The following SAMD3 variants were observed in gnomAD, a reference collection of about 807,000 sequenced individuals.
SAMD3 encodes sterile alpha motif domain containing 3.
In SAMD3, 63 loss-of-function variants were observed where a neutral mutation model predicts 58.5. The ratio of observed to expected loss-of-function variants is 1.08; its 90% CI spans 0.88 to 1.33. SAMD3 has a LOEUF of 1.33. SAMD3 is among the 40% of genes most tolerant of loss of function. SAMD3 has a pLI of 0.00. For missense variants in SAMD3, 604 were observed against 608.4 expected (o/e 0.99, Z 0.08); for synonymous variants, 220 against 210.3 (o/e 1.05, Z -0.40).
At chr6:130,296,948 C>T (rs967454497) in intron 2 of SAMD3, among the ~76,000 whole-genome samples, 1 of 152,178 alleles carries the variant, frequency 6.6e-6, no homozygotes, top group African/African-American at 2.4e-5. Context: ...CTTCCCCTGA[C>T]ACTTCAGTGC....
rs574162149 is a variant in SAMD3, at chr6:130,185,721, C to G, written c.384-1098G>C. 2.0e-5 allele frequency among the ~76,000 whole-genome samples: 3 copies of G among 151,618 alleles called. No individual in the cohort carries two copies. The South Asian group carries it at 6.3e-4, about 32-fold the overall frequency. On this transcript the variant is annotated intron_variant, in intron 5 of 11. Transcript: ENST00000439090. The stretch of plus-strand genomic sequence containing the variant: ...TCACAGCTCACTGCAGCCTTGACCT[C>G]CTGGTCTCAAGCAATCTTCCCACTT...
chr6:130,326,637 A>G (rs923910106), intron 1 of SAMD3, among the ~76,000 whole-genome samples: 68 of 152,232 alleles, frequency 4.5e-4, no homozygotes, highest in African/African-American at 1.5e-3. Flanking sequence ...GCAGTCCATA[A>G]ATATTTGTAC....
At chr6:130,174,571 T>A (rs1034183612) in intron 8 of SAMD3, among the ~76,000 whole-genome samples, 1 of 152,224 alleles carries the variant, frequency 6.6e-6, no homozygotes, top group Admixed American at 6.5e-5. Flanking sequence ...TGCATTGGTC[T>A]CTTTGGGAGC....
chr6:130,228,286 C>T (rs1433741836), intron 2 of SAMD3, among the ~76,000 whole-genome samples: 2 of 152,226 alleles, frequency 1.3e-5, no homozygotes, highest in East Asian at 3.8e-4. Context: ...GCAGCTAGAG[C>T]TCCTTCCAGG....
intron 2 of SAMD3, among the ~76,000 whole-genome samples, chr6:130,281,169 C>A (rs1239835286): frequency 6.6e-6 from 1 of 152,168 alleles, no homozygotes; most frequent in Admixed American, 6.5e-5. Flanking sequence ...CTGTCCTCCC[C>A]TATTTTGGAT....
intron 8 of SAMD3, among the ~76,000 whole-genome samples, chr6:130,159,098 T>C (rs1242409401): frequency 6.6e-6 from 1 of 152,166 alleles, no homozygotes; most frequent in Non-Finnish European, 1.5e-5. Flanking sequence ...CCAAATCTCA[T>C]CTTGTAGCTC....
At chr6:130,196,291 A>G (rs1794102818) in intron 5 of SAMD3, among the ~76,000 whole-genome samples, 1 of 152,080 alleles carries the variant, frequency 6.6e-6, no homozygotes, top group Non-Finnish European at 1.5e-5. Context: ...TACCTGATTC[A>G]TATACTTTCT....
At chr6:130,310,950 G>C (rs999509647) in intron 2 of SAMD3, among the ~76,000 whole-genome samples, 1 of 152,028 alleles carries the variant, frequency 6.6e-6, no homozygotes, top group Non-Finnish European at 1.5e-5. Flanking sequence ...ATTCTTTTTC[G>C]GGGGATTAAG....
downstream of SAMD3, chr6:130,142,994 C>A (rs1275248073): frequency 6.6e-6 from 1 of 152,114 alleles, no homozygotes; most frequent in Non-Finnish European, 1.5e-5. Flanking sequence ...ATGACTTGTG[C>A]CAAATTGTTA....
At chr6:130,342,513 T>C (rs1187274819) in intron 1 of SAMD3, among the ~76,000 whole-genome samples, 1 of 152,196 alleles carries the variant, frequency 6.6e-6, no homozygotes, top group Non-Finnish European at 1.5e-5. Context: ...TAAAACTCAC[T>C]TTAGAGACTC....
Position 130,247,524 on chromosome 6 carries a change from T to G in SAMD3, c.-187-24711A>C, listed in dbSNP as rs983788097. Among the ~76,000 whole-genome samples, 6 of 151,486 alleles carry G rather than the reference T, an allele frequency of 4.0e-5. No individual in the cohort carries two copies. The South Asian group carries it at 1.2e-3, about 32-fold the overall frequency. ...GACTAAGATGGGACAATCTAACCAT[T>G]AATATGAATAATATTTGTAAAGGAT... On this transcript the variant is annotated intron_variant, in intron 2 of 13. Coordinates refer to the SAMD3 transcript ENST00000368134.
intron 7 of SAMD3, among the ~76,000 whole-genome samples, chr6:130,180,964 T>TTTTTTTTTTTTA (rs1792269394): frequency 2.0e-5 from 3 of 147,158 alleles, no homozygotes; most frequent in African/African-American, 5.0e-5. Context: ...TTTTTTCTTT[T>TTTTTTTTTTTTA]GAGACGGAGT....
intron 1 of SAMD3, among the ~76,000 whole-genome samples, chr6:130,330,714 G>A (rs368464446): frequency 6.6e-6 from 1 of 152,184 alleles, no homozygotes; most frequent in African/African-American, 2.4e-5. Flanking sequence ...GGTGGAAGGG[G>A]TAGATTGGAG....
At chr6:130,268,906 C>G (rs1371854538) in intron 2 of SAMD3, among the ~76,000 whole-genome samples, 1 of 152,142 alleles carries the variant, frequency 6.6e-6, no homozygotes, top group Admixed American at 6.5e-5. Flanking sequence ...TACACTGTAA[C>G]TTGCCTTTTT....
intron 1 of SAMD3, among the ~76,000 whole-genome samples, chr6:130,326,642 T>C (rs1776771389): frequency 6.6e-6 from 1 of 152,202 alleles, no homozygotes; most frequent in South Asian, 2.1e-4. Flanking sequence ...CCATAAATAT[T>C]TGTACTTGTT....
intron 2 of SAMD3, among the ~76,000 whole-genome samples, chr6:130,286,689 A>AG (rs79241154): frequency 0.27 from 41,710 of 151,930 alleles, 6,221 homozygotes; most frequent in East Asian, 0.45. Flanking sequence ...CTCCAAAATT[A>AG]ATTTATCCCT....
chr6:130,217,603 G>A (rs1041430869), intron 1 of SAMD3, among the ~76,000 whole-genome samples: 1 of 152,184 alleles, frequency 6.6e-6, no homozygotes, highest in Non-Finnish European at 1.5e-5. Flanking sequence ...TAATAAATTT[G>A]TTAAAACTAC....
chr6:130,195,081 C>T (rs984851750), intron 5 of SAMD3, among the ~76,000 whole-genome samples: 3 of 152,160 alleles, frequency 2.0e-5, no homozygotes, highest in Admixed American at 1.3e-4. Context: ...TTATCCCCAC[C>T]TGCCCAGTTC....
intron 1 of SAMD3, among the ~76,000 whole-genome samples, chr6:130,216,918 G>GA (rs1397754354): frequency 6.6e-6 from 1 of 151,958 alleles, no homozygotes; most frequent in African/African-American, 2.4e-5. Context: ...AGAAAATAGA[G>GA]AAAAAATAAA....
Sources: allele counts gnomAD v4.1 joint callset (sites outside exome capture counted in the v4.1 genomes callset), GRCh38; gene constraint gnomAD v4.1.1; transcripts MANE v1.5; gene names NCBI Gene and HGNC (gene_info 2026-07-23, HGNC 2026-07-21).